Variants in PPARGC1A observed in about 807,000 individuals in gnomAD.
The protein encoded by PPARGC1A is peroxisome proliferator-activated receptor gamma coactivator 1-alpha.
Under a neutral mutation model 88.7 loss-of-function variants are expected in PPARGC1A, and 25 were observed. That is an observed-to-expected ratio of 0.28 (90% confidence interval 0.21 to 0.39). The LOEUF (loss-of-function observed/expected upper bound fraction) is 0.39, where lower values mean the gene tolerates loss of function less well. Ranked by LOEUF, PPARGC1A falls within the 10% of genes least tolerant of loss-of-function variation. The pLI is 1.00. For missense variants in PPARGC1A, 880 were observed against 968.7 expected (o/e 0.91, Z 1.22); for synonymous variants, 363 against 355.6 (o/e 1.02, Z -0.24).
the PPARGC1A span, among the ~76,000 whole-genome samples, chr4:24,377,461 A>G: frequency 2.6e-5 from 4 of 152,182 alleles, no homozygotes; most frequent in African/African-American, 9.6e-5. Context: ...AGAAAGGCAT[A>G]AAAGCAAAAT....
At chr4:24,357,750 C>G in the PPARGC1A span, among the ~76,000 whole-genome samples, 1 of 152,170 alleles carries the variant, frequency 6.6e-6, no homozygotes, top group Non-Finnish European at 1.5e-5. Flanking sequence ...GAATAAGTCT[C>G]ATGATATCTG....
the PPARGC1A span, among the ~76,000 whole-genome samples, chr4:23,953,114 A>G: frequency 6.6e-6 from 1 of 152,114 alleles, no homozygotes; most frequent in African/African-American, 2.4e-5. Context: ...AAATAAATAA[A>G]TAAAACTAAG....
the PPARGC1A span, among the ~76,000 whole-genome samples, chr4:24,078,953 CAT>C: frequency 5.9e-5 from 9 of 151,998 alleles, no homozygotes; most frequent in Admixed American, 3.3e-4. Context: ...ATACTGAAAA[CAT>C]AGAGTAAATA....
the PPARGC1A span, among the ~76,000 whole-genome samples, chr4:24,296,054 GTA>G: frequency 4.0e-5 from 6 of 150,360 alleles, no homozygotes; most frequent in East Asian, 2.0e-4. Flanking sequence ...GTGTGTATGT[GTA>G]TATATGTGTA....
At chr4:24,320,141 T>C in the PPARGC1A span, among the ~76,000 whole-genome samples, 31 of 152,352 alleles carry the variant, frequency 2.0e-4, no homozygotes, top group African/African-American at 7.2e-4. Flanking sequence ...TTCTAACTAG[T>C]AGATTTCCTT....
chr4:24,371,534 T>A, the PPARGC1A span, among the ~76,000 whole-genome samples: 9 of 152,130 alleles, frequency 5.9e-5, no homozygotes, highest in South Asian at 1.9e-3. Context: ...ACAGAATATC[T>A]CCTGAAAAAC....
At chr4:23,903,005 T>C (rs971237581), upstream of PPARGC1A, among the ~76,000 whole-genome samples, 2 of 152,254 alleles carry the variant, frequency 1.3e-5, no homozygotes, top group African/African-American at 4.8e-5. Context: ...TAATTCATGG[T>C]AATATATTTA....
At chr4:24,259,023 T>C in the PPARGC1A span, among the ~76,000 whole-genome samples, 31 of 152,324 alleles carry the variant, frequency 2.0e-4, no homozygotes, top group Admixed American at 8.5e-4. Flanking sequence ...ACAACCACTC[T>C]AATCAAAAGC....
chr4:23,924,866 C>T, the PPARGC1A span, among the ~76,000 whole-genome samples: 1 of 152,146 alleles, frequency 6.6e-6, no homozygotes, highest in African/African-American at 2.4e-5. Flanking sequence ...CCCCTTCATA[C>T]ACCAAACAGG....
the PPARGC1A span, among the ~76,000 whole-genome samples, chr4:24,289,873 C>T: frequency 6.6e-5 from 10 of 152,198 alleles, no homozygotes; most frequent in South Asian, 6.2e-4. Flanking sequence ...AAAGGCATAC[C>T]CAAGACTGGG....
the PPARGC1A span, among the ~76,000 whole-genome samples, chr4:24,255,104 T>C: frequency 6.6e-6 from 1 of 152,244 alleles, no homozygotes; most frequent in Non-Finnish European, 1.5e-5. Context: ...TTTCCTCTTT[T>C]GAAATTCAAA....
chr4:24,190,342 C>T, the PPARGC1A span, among the ~76,000 whole-genome samples: 17 of 152,134 alleles, frequency 1.1e-4, no homozygotes, highest in African/African-American at 1.7e-4. Flanking sequence ...GGTGAAACCC[C>T]GTCTCTACTA....
chr4:24,466,985 A>AGAG, the PPARGC1A span, among the ~76,000 whole-genome samples: 227 of 136,232 alleles, frequency 1.7e-3, 1 homozygote, highest in African/African-American at 6.0e-3. Flanking sequence ...AAAGAAAGAA[A>AGAG]GGAGGGAGGG....
At chr4:23,987,900 A>G in the PPARGC1A span, among the ~76,000 whole-genome samples, 1 of 152,072 alleles carries the variant, frequency 6.6e-6, no homozygotes, top group Admixed American at 6.6e-5. Context: ...TCAACCCGTC[A>G]CCTACATTAG....
the PPARGC1A span, among the ~76,000 whole-genome samples, chr4:24,092,803 T>C: frequency 6.6e-6 from 1 of 152,194 alleles, no homozygotes; most frequent in African/African-American, 2.4e-5. Context: ...AATTTCCAGA[T>C]TAAATATTGT....
At chr4:24,451,012 G>A in the PPARGC1A span, among the ~76,000 whole-genome samples, 361 of 152,252 alleles carry the variant, frequency 2.4e-3, 7 homozygotes, top group South Asian at 1.9e-3. Flanking sequence ...AAACTACAGG[G>A]AATTTGATTA....
the PPARGC1A span, among the ~76,000 whole-genome samples, chr4:24,226,337 C>T: frequency 6.6e-6 from 1 of 152,114 alleles, no homozygotes; most frequent in Non-Finnish European, 1.5e-5. Flanking sequence ...AATAGATGTT[C>T]GCCGTGGAAT....
chr4:24,116,510 CAT>C, the PPARGC1A span, among the ~76,000 whole-genome samples: 1 of 152,086 alleles, frequency 6.6e-6, no homozygotes, highest in Admixed American at 6.6e-5. Context: ...ATGGAAAAAA[CAT>C]ATAATTCACT....
the PPARGC1A span, among the ~76,000 whole-genome samples, chr4:23,981,919 C>T: frequency 6.6e-6 from 1 of 151,618 alleles, no homozygotes; most frequent in Non-Finnish European, 1.5e-5. Context: ...GTAACTGAAT[C>T]GAAGAAAAGA....
Sources: gnomAD v4.1 joint callset for allele counts (sites outside exome capture counted in the v4.1 genomes callset) on GRCh38, gnomAD v4.1.1 for gene constraint, MANE v1.5 for transcripts, NCBI Gene and HGNC (gene_info 2026-07-23, HGNC 2026-07-21) for gene names.